The following PPP4R3B variants were observed in gnomAD, a reference collection of about 807,000 sequenced individuals.
PPP4R3B encodes serine/threonine-protein phosphatase 4 regulatory subunit 3B.
A neutral mutation model predicts 95.4 loss-of-function variants in PPP4R3B; 52 were observed. The ratio of observed to expected loss-of-function variants is 0.54; its 90% CI spans 0.44 to 0.69. The LOEUF is 0.69. Among genes scored for constraint, PPP4R3B ranks in the 30% least tolerant of loss-of-function variants. PPP4R3B has a pLI of 0.00. For missense variants in PPP4R3B, 1,003 were observed against 1,005.9 expected (o/e 1.00, Z 0.04); for synonymous variants, 407 against 343.9 (o/e 1.18, Z -2.03).
At chr2:55,575,030 C>T (rs1290932657) in intron 11 of PPP4R3B, among the ~76,000 whole-genome samples, 3 of 145,992 alleles carry the variant, frequency 2.1e-5, no homozygotes, top group East Asian at 4.1e-4. Context: ...CTCCGCCTCC[C>T]GGGTTCACGC....
At chr2:55,605,904 C>G (rs74920410) in intron 2 of PPP4R3B, among the ~76,000 whole-genome samples, 1 of 86,438 alleles carries the variant, frequency 1.2e-5, no homozygotes, top group Non-Finnish European at 2.5e-5. Flanking sequence ...GACTCCGTCT[C>G]AAAAAAAAAA....
At chr2:55,585,404 G>A (rs970547044) in intron 6 of PPP4R3B, among the ~76,000 whole-genome samples, 1 of 152,046 alleles carries the variant, frequency 6.6e-6, no homozygotes, top group East Asian at 1.9e-4. Context: ...TAAATATACA[G>A]AGAATTTAAA....
intron 4 of PPP4R3B, among the ~76,000 whole-genome samples, chr2:55,589,532 A>T (rs1690660431): frequency 6.6e-6 from 1 of 152,204 alleles, no homozygotes; most frequent in African/African-American, 2.4e-5. Flanking sequence ...GCACTACAAT[A>T]ACTGCTTTTC....
chr2:55,565,046 A>G lies in PPP4R3B; in HGVS notation c.1936-5T>C, dbSNP rs760358876. ...AGTAAGAGACTTGATATCTTCCTGT[A>G]TAAGCACAAAATTTACATTTAAAAT... On this transcript the variant is annotated splice_region_variant and splice_polypyrimidine_tract_variant and intron_variant, in intron 13 of 16. Transcript: ENST00000616407. 15 of 1,552,612 alleles carry G rather than the reference A, an allele frequency of 9.7e-6. No homozygotes were observed. Among genetic ancestry groups the G allele is most frequent in the Non-Finnish European group, 1.3e-5 (15 of 1,154,286 alleles).
chr2:55,551,084 G>A (rs973821390), intron 16 of PPP4R3B, among the ~76,000 whole-genome samples: 1 of 152,146 alleles, frequency 6.6e-6, no homozygotes, highest in African/African-American at 2.4e-5. Context: ...TTGGGGCTGG[G>A]CTTATGCCTG....
intron 15 of PPP4R3B, among the ~76,000 whole-genome samples, chr2:55,562,494 G>C (rs1686760798): frequency 6.6e-6 from 1 of 152,114 alleles, no homozygotes; most frequent in Non-Finnish European, 1.5e-5. Flanking sequence ...CTCCACCATG[G>C]TTAAGATATG....
intron 2 of PPP4R3B, among the ~76,000 whole-genome samples, chr2:55,610,256 C>T (rs1333325400): frequency 6.6e-6 from 1 of 152,104 alleles, no homozygotes; most frequent in African/African-American, 2.4e-5. Flanking sequence ...AAAGGTCTTG[C>T]TACTCAAAGA....
chr2:55,572,209 A>G (rs1215080428), intron 12 of PPP4R3B, among the ~76,000 whole-genome samples: 2 of 123,342 alleles, frequency 1.6e-5, no homozygotes, highest in African/African-American at 5.4e-5. Context: ...ATATCTGCAT[A>G]ATCTTAGGAC....
chr2:55,589,946 A>AT lies in PPP4R3B; in HGVS notation c.922-991_922-990insA, dbSNP rs750661826. On this transcript the variant is annotated intron_variant, in intron 4 of 16. Coordinates refer to ENST00000616407, the MANE Select transcript of PPP4R3B (RefSeq NM_001122964.3). The stretch of plus-strand genomic sequence containing the variant: ...AAAAAAAAATTATATATATATAAAA[A>AT]ATATATATAATTATATATATATTTA... Among the ~76,000 whole-genome samples, 120 of 135,450 alleles carry AT rather than the reference A, an allele frequency of 8.9e-4. No homozygotes were observed. The Middle Eastern group carries it at 0.012, about 14-fold the overall frequency. 88.9% of individuals were successfully genotyped at this position (135,450 alleles called of 152,430 possible).
intron 13 of PPP4R3B, among the ~76,000 whole-genome samples, chr2:55,566,627 C>T (rs1344908200): frequency 6.6e-6 from 1 of 152,166 alleles, no homozygotes; most frequent in Non-Finnish European, 1.5e-5. Flanking sequence ...AAATAATCTT[C>T]ATATGAGAAT....
intron 4 of PPP4R3B, chr2:55,591,610 GA>G: frequency 4.1e-6 from 4 of 983,888 alleles, no homozygotes; most frequent in Non-Finnish European, 4.8e-6. Flanking sequence ...ATTTTCATAA[GA>G]AAAAAGTTCC....
At chr2:55,585,634 A>G (rs1005272883) in intron 6 of PPP4R3B, among the ~76,000 whole-genome samples, 1 of 150,924 alleles carries the variant, frequency 6.6e-6, no homozygotes, top group Non-Finnish European at 1.5e-5. Context: ...GCTTTTGAAA[A>G]CTCTTTTTGG....
At chr2:55,592,899 G>C (rs1267981007) in intron 4 of PPP4R3B, among the ~76,000 whole-genome samples, 2 of 152,172 alleles carry the variant, frequency 1.3e-5, no homozygotes, top group African/African-American at 4.8e-5. Context: ...AGTGGCTCAT[G>C]CCTGTAATCC....
intron 7 of PPP4R3B, among the ~76,000 whole-genome samples, chr2:55,582,357 C>G (rs1689557038): frequency 6.6e-6 from 1 of 152,086 alleles, no homozygotes; most frequent in Admixed American, 6.5e-5. Context: ...CATTACAAAC[C>G]AGTCTCCTGC....
At position 55,598,425 on chromosome 2, in the gene PPP4R3B, GCTGA is replaced by G. The variant is rs1259096719; in HGVS notation, c.908_911del (p.Val303AlafsTer17). ...GTATCTTTTTACTTACCTGCAACAT[GCTGA>G]CTATCTCAACTTTGTTGAAGAAAAT... On this transcript the variant is annotated frameshift_variant, in exon 4 of 17. Transcript: ENST00000616407. LOFTEE classifies it high-confidence loss of function. The G allele has an allele frequency of 2.5e-6, 4 of 1,613,120 alleles. No homozygotes were observed. Among genetic ancestry groups the G allele is most frequent in the East Asian group, 2.2e-5 (1 of 44,864 alleles).
At chr2:55,591,297 T>C (rs1690986069) in intron 4 of PPP4R3B, among the ~76,000 whole-genome samples, 1 of 150,842 alleles carries the variant, frequency 6.6e-6, no homozygotes, top group South Asian at 2.1e-4. Flanking sequence ...CCACCATACC[T>C]GGCTATTTTT....
intron 4 of PPP4R3B, among the ~76,000 whole-genome samples, chr2:55,595,738 GAAA>G (rs11367361): frequency 2.3e-5 from 3 of 130,492 alleles, no homozygotes; most frequent in Non-Finnish European, 3.2e-5. Context: ...AAAAGTACAT[GAAA>G]AAAAAAAAAA....
Position 55,568,254 on chromosome 2 carries a change from A to G in PPP4R3B, c.1875T>C (p.Asn625=). ...FEPVINALLD[N]GTRYNLLNSA... Reference sequence around the variant, plus strand: ...AATTCAACAGATTATACCGAGTTCCATTATCCAGAAGTGCATTTATAACTG... The same window carrying G: ...AATTCAACAGATTATACCGAGTTCCGTTATCCAGAAGTGCATTTATAACTG... The change falls in exon 13 of 17, where the codon AAT becomes AAC. Residue 625 remains asparagine, a synonymous_variant. Coordinates refer to ENST00000616407, the MANE Select transcript of PPP4R3B (RefSeq NM_001122964.3). 6.2e-7 allele frequency: 1 copy of G among 1,607,724 alleles called. No individual in the cohort carries two copies. The highest frequency in any genetic ancestry group is 8.5e-7 in the Non-Finnish European group (1 of 1,176,904).
Position 55,586,748 on chromosome 2 carries a change from A to C in PPP4R3B, c.1000-14T>G, listed in dbSNP as rs1164329276. On this transcript the variant is annotated splice_polypyrimidine_tract_variant and intron_variant, in intron 5 of 16. Transcript: ENST00000616407. ...GAAAAAATTAACCTGTAATGTCAGA[A>C]ATTTTAGTGAGACATTGATAAACAT... The C allele has an allele frequency of 2.0e-6, 3 of 1,485,164 alleles. No homozygotes were observed. Among genetic ancestry groups the C allele is most frequent in the South Asian group, 1.2e-5 (1 of 84,542 alleles). The allele number at this position is 1,485,164 out of a possible 1,614,324, so 92.0% of individuals were successfully genotyped here.
Sources: allele counts gnomAD v4.1 joint callset (sites outside exome capture counted in the v4.1 genomes callset), GRCh38; gene constraint gnomAD v4.1.1; transcripts MANE v1.5; gene names NCBI Gene and HGNC (gene_info 2026-07-23, HGNC 2026-07-21).